SHISA4: variants seen among roughly 807,000 people sequenced by gnomAD.
SHISA4 encodes the protein protein shisa-4.
Under a neutral mutation model 24.2 loss-of-function variants are expected in SHISA4, and 16 were observed. The observed-to-expected ratio is 0.66, with a 90% confidence interval of 0.45 to 1.00. The LOEUF (loss-of-function observed/expected upper bound fraction) is 1.00. Among genes scored for constraint, SHISA4 ranks in the 50% least tolerant of loss-of-function variants. The pLI, the probability that SHISA4 is intolerant of heterozygous loss-of-function variation, is 0.00. For synonymous variants in SHISA4, 106 were observed against 105.4 expected, an observed-to-expected ratio of 1.01 and a Z score of -0.04; for missense variants, 238 against 258.9, an observed-to-expected ratio of 0.92 and a Z score of 0.55.
intron 2 of SHISA4, among the ~76,000 whole-genome samples, chr1:201,890,090 A>C (rs1189036896): frequency 6.6e-6 from 1 of 152,212 alleles, no homozygotes; most frequent in Non-Finnish European, 1.5e-5. Flanking sequence ...AATATATCAT[A>C]TATAAAATAG....
In SHISA4 at chr1:201,889,069, T is replaced by C; in HGVS notation, c.73+2T>C. On this transcript the variant is annotated splice_donor_variant, in intron 1 of 4. Coordinates refer to ENST00000362011, the MANE Select transcript of SHISA4 (RefSeq NM_198149.3). LOFTEE classifies it high-confidence loss of function. ...TGTTGGTGCTGGGGGCTCCCCTGGG[T>C]AAGGGGATGGGGAGAGATGCGGCAG... is the stretch of plus-strand genomic sequence containing the variant. 7.2e-7 allele frequency: 1 copy of C among 1,385,446 alleles called. No individual in the cohort carries two copies. Among genetic ancestry groups the C allele is most frequent in the Non-Finnish European group, 9.4e-7 (1 of 1,065,928 alleles). 85.8% of individuals were successfully genotyped at this position (1,385,446 alleles called of 1,614,324 possible).
chr1:201,891,233 C>T (rs1681090894), intron 3 of SHISA4, among the ~76,000 whole-genome samples, 168 bp from the exon 4 acceptor site: 1 of 152,136 alleles, frequency 6.6e-6, no homozygotes, highest in Non-Finnish European at 1.5e-5. Context: ...GGGCCACGTG[C>T]ACAGCTCCCT....
Position 201,891,948 on chromosome 1 carries a change from G to A in SHISA4, c.*102G>A. On this transcript the variant is annotated 3_prime_UTR_variant, in exon 5 of 5. Transcript: ENST00000362011. ...TCCTGGGGGTGGCAGGAGTCCTCCA[G>A]CCACCAGGCCCCAGACCAAGCCAAG... 7.1e-7 allele frequency: 1 copy of A among 1,417,202 alleles called. No homozygotes were observed. The highest frequency in any genetic ancestry group is 1.2e-5 in the South Asian group (1 of 86,344). The allele number at this position is 1,417,202 out of a possible 1,614,324, so 87.8% of individuals were successfully genotyped here. A position where few individuals can be genotyped will look rare whatever the true frequency, so the allele number is the denominator to read the frequency against.
At chr1:201,889,408 C>G (rs1681049118) in intron 1 of SHISA4, 37 bp from the exon 2 acceptor site, 3 of 1,606,960 alleles carry the variant, frequency 1.9e-6, no homozygotes, top group Middle Eastern at 3.3e-4. Flanking sequence ...ATGAACTGGC[C>G]TGGTGGCCAC....
In SHISA4 at chr1:201,891,854, G is replaced by T. The variant is rs1183573478; in HGVS notation, c.*8G>T. ...TCTTACCCGGGAGCCTGAGGAACCAGCCATGTCTCTGCTGCCCCTTCAGTG... is the reference window on the plus strand; with the variant it reads ...TCTTACCCGGGAGCCTGAGGAACCATCCATGTCTCTGCTGCCCCTTCAGTG... On this transcript the variant is annotated 3_prime_UTR_variant, in exon 5 of 5. Coordinates refer to ENST00000362011, the MANE Select transcript of SHISA4 (RefSeq NM_198149.3). 1 of 1,613,950 alleles carries T rather than the reference G, an allele frequency of 6.2e-7. No individual in the cohort carries two copies. The highest frequency in any genetic ancestry group is 1.1e-5 in the South Asian group (1 of 91,076).
At chr1:201,890,176 T>C (rs565441355) in intron 2 of SHISA4, among the ~76,000 whole-genome samples, 2 of 152,340 alleles carry the variant, frequency 1.3e-5, no homozygotes, top group East Asian at 1.9e-4. Context: ...TTCAGTGTTA[T>C]GCTGTATGTC....
In SHISA4 at chr1:201,892,224, C is replaced by T. The variant is rs2102903587; in HGVS notation, c.*378C>T. On this transcript the variant is annotated 3_prime_UTR_variant, in exon 5 of 5. Coordinates refer to ENST00000362011, the MANE Select transcript of SHISA4 (RefSeq NM_198149.3). ...GGGGGGAGGGAGGAGGTTCCGTCAG[C>T]AGCTGGCAGTAGCCCTCCTCTCTGG... The T allele has an allele frequency of 3.7e-6, 1 of 271,412 alleles. No individual in the cohort carries two copies. The highest frequency in any genetic ancestry group is 4.8e-5 in the South Asian group (1 of 20,798). 16.8% of individuals were successfully genotyped at this position (271,412 alleles called of 1,614,324 possible).
intron 3 of SHISA4, 46 bp downstream of exon 3, chr1:201,890,633 A>C (rs1442612476): frequency 6.2e-7 from 1 of 1,606,452 alleles, no homozygotes; most frequent in Admixed American, 1.7e-5. Flanking sequence ...GGCTGGGCTA[A>C]GTCCAATAAT....
Position 201,890,475 on chromosome 1 carries a change from C to T in SHISA4, c.267C>T (p.Ile89=), listed in dbSNP as rs763815716. 2.5e-6 allele frequency: 4 copies of T among 1,614,220 alleles called. No individual in the cohort carries two copies. Among genetic ancestry groups the T allele is most frequent in the South Asian group, 1.1e-5 (1 of 91,088 alleles). ...AAAGCCCCAAGACCATAGCAGGCAT[C>T]GCCTCAGCTGTGATCCTCTTTGTTG... is the stretch of plus-strand genomic sequence containing the variant. ...LAFSPKTIAG[I]ASAVILFVAV... is the part of the protein sequence containing the mutation. The change falls in exon 3 of 5, where the codon ATC becomes ATT. Residue 89 remains isoleucine (I), a synonymous_variant. Coordinates refer to ENST00000362011, the MANE Select transcript of SHISA4 (RefSeq NM_198149.3).
chr1:201,892,465 G>A lies in SHISA4; in HGVS notation c.*619G>A, dbSNP rs939697113. Among the ~76,000 whole-genome samples the A allele has an allele frequency of 3.9e-5, 6 of 152,050 alleles. No homozygotes were observed. The highest frequency in any genetic ancestry group is 2.1e-4 in the South Asian group (1 of 4,830). ...CCCCCATCCACAAGCAGACCAAGGC[G>A]GACTGTTCCTGGCTTCCTAAAGGCT... On this transcript the variant is annotated 3_prime_UTR_variant, in exon 5 of 5. Transcript: ENST00000362011.
chr1:201,890,184 G>A (rs1162043063), intron 2 of SHISA4, among the ~76,000 whole-genome samples: 4 of 152,170 alleles, frequency 2.6e-5, no homozygotes, highest in Non-Finnish European at 2.9e-5. Context: ...TATGCTGTAT[G>A]TCTAATCATT....
chr1:201,889,481 G>A lies in SHISA4; in HGVS notation c.110G>A (p.Arg37Gln). 1 of 1,613,850 alleles carries A rather than the reference G, an allele frequency of 6.2e-7. No individual in the cohort carries two copies. The highest frequency in any genetic ancestry group is 8.5e-7 in the Non-Finnish European group (1 of 1,180,026). ...GAGGACTGCCTGTGGTACCTGGACC[G>A]GAATGGCTCCTGGCATCCGGGGTTT... ...AGEDCLWYLD[R>Q]NGSWHPGFNC... The change falls in exon 2 of 5, where the codon CGG becomes CAG. Residue 37 changes from arginine (R) to glutamine (Q), a missense_variant. Transcript: ENST00000362011.
chr1:201,889,200 T>A lies in SHISA4; in HGVS notation c.73+133T>A. ...CACGGGAGCCTTGGGTGTTGCTGGG[T>A]CCTCAAGAAGCGGGAAGAGGGAGCT... On this transcript the variant is annotated intron_variant, in intron 1 of 4. Transcript: ENST00000362011. 5.0e-6 allele frequency: 5 copies of A among 993,762 alleles called. No individual in the cohort carries two copies. In the Admixed American group the frequency reaches 1.2e-4, roughly 23 times the overall value. The allele number at this position is 993,762 out of a possible 1,614,324, so 61.6% of individuals were successfully genotyped here.
rs1442614945 is a variant in SHISA4, at chr1:201,889,761, G to T, written c.245+145G>T. 6 of 934,064 alleles carry T rather than the reference G, an allele frequency of 6.4e-6. No individual in the cohort carries two copies. The African/African-American group carries it at 6.6e-5, about 10-fold the overall frequency. 57.9% of individuals were successfully genotyped at this position (934,064 alleles called of 1,614,324 possible). A position where few individuals can be genotyped will look rare whatever the true frequency, so the allele number is the denominator to read the frequency against. On this transcript the variant is annotated intron_variant, in intron 2 of 4. Coordinates refer to ENST00000362011, the MANE Select transcript of SHISA4 (RefSeq NM_198149.3). ...GAGTCACCAGGACTCAAGCCTGGCG[G>T]CAGAGCTAGGTGCTTAGGTGCTGGT...
Position 201,892,036 on chromosome 1 carries a change from A to G in SHISA4, c.*190A>G. The G allele has an allele frequency of 1.6e-6, 1 of 631,770 alleles. No homozygotes were observed. Among genetic ancestry groups the G allele is most frequent in the Non-Finnish European group, 2.8e-6 (1 of 361,500 alleles). 39.1% of individuals were successfully genotyped at this position (631,770 alleles called of 1,614,324 possible). A position where few individuals can be genotyped will look rare whatever the true frequency, so the allele number is the denominator to read the frequency against. ...GAACAGGAGCTGAACTAGAACTATGAGGGGTTGGGGGGAGGGCTTGGAATT... is the reference window on the plus strand; with the variant it reads ...GAACAGGAGCTGAACTAGAACTATGGGGGGTTGGGGGGAGGGCTTGGAATT... On this transcript the variant is annotated 3_prime_UTR_variant, in exon 5 of 5. Coordinates refer to ENST00000362011, the MANE Select transcript of SHISA4 (RefSeq NM_198149.3).
At chr1:201,890,317 G>C in intron 2 of SHISA4, 137 bp from the exon 3 acceptor site, 1 of 1,123,296 alleles carries the variant, frequency 8.9e-7, no homozygotes, top group Admixed American at 2.3e-5. Flanking sequence ...CCTTCACAGG[G>C]ACTGGGCAGA....
In SHISA4 at chr1:201,889,027, G is replaced by T; in HGVS notation, c.33G>T (p.Pro11=). Residue 11 remains proline, a synonymous_variant, in exon 1 of 5, where the codon CCG becomes CCT. Coordinates refer to ENST00000362011, the MANE Select transcript of SHISA4 (RefSeq NM_198149.3). ...CCGCGGGGCTCCGCCGGGCCGCGCCGCTCACCGCAATCGCTCTGTTGGTGC... is the reference window on the plus strand; with the variant it reads ...CCGCGGGGCTCCGCCGGGCCGCGCCTCTCACCGCAATCGCTCTGTTGGTGC... MPPAGLRRAA[P]LTAIALLVLG... The T allele has an allele frequency of 7.3e-7, 1 of 1,378,252 alleles. No homozygotes were observed. The highest frequency in any genetic ancestry group is 9.4e-7 in the Non-Finnish European group (1 of 1,066,240). The allele number at this position is 1,378,252 out of a possible 1,614,324, so 85.4% of individuals were successfully genotyped here.
rs899365964 is a variant in SHISA4 at position 201,890,976 on chromosome 1, C to T, written c.379+389C>T. ...GGCAAAATATGTGCCTGAGTGTTGG[C>T]ATGTGATGCACATATGCCACAACCT... is the stretch of plus-strand genomic sequence containing the variant. On this transcript the variant is annotated intron_variant, in intron 3 of 4. Coordinates refer to ENST00000362011, the MANE Select transcript of SHISA4 (RefSeq NM_198149.3). Among the ~76,000 whole-genome samples, 4 of 152,134 alleles carry T rather than the reference C, an allele frequency of 2.6e-5. No homozygotes were observed. In the South Asian group the frequency reaches 8.3e-4, roughly 32 times the overall value.
At position 201,890,684 on chromosome 1, in the gene SHISA4, G is replaced by C. The variant is rs1427074939; in HGVS notation, c.379+97G>C. 3 of 1,502,310 alleles carry C rather than the reference G, an allele frequency of 2.0e-6. No individual in the cohort carries two copies. The African/African-American group carries it at 4.2e-5, about 21-fold the overall frequency. 93.1% of individuals were successfully genotyped at this position (1,502,310 alleles called of 1,614,324 possible). A position where few individuals can be genotyped will look rare whatever the true frequency, so the allele number is the denominator to read the frequency against. On this transcript the variant is annotated intron_variant, in intron 3 of 4. Transcript: ENST00000362011. Reference sequence around the variant, plus strand: ...CATGGATTGGGTAAATTCTGTAGTAGTATGTGCTTCTGTATACACACACCT... The same window carrying C: ...CATGGATTGGGTAAATTCTGTAGTACTATGTGCTTCTGTATACACACACCT...
Sources: gnomAD v4.1 joint callset for allele counts (sites outside exome capture counted in the v4.1 genomes callset) on GRCh38, gnomAD v4.1.1 for gene constraint, MANE v1.5 for transcripts, NCBI Gene and HGNC (gene_info 2026-07-23, HGNC 2026-07-21) for gene names.